The following ANKRD27 variants were observed in gnomAD, a reference collection of about 807,000 sequenced individuals.
ANKRD27 encodes the protein ankyrin repeat domain-containing protein 27.
A neutral mutation model predicts 129.7 loss-of-function variants in ANKRD27; 112 were observed. That is an observed-to-expected ratio of 0.86 (90% confidence interval 0.74 to 1.01). The LOEUF (loss-of-function observed/expected upper bound fraction) is 1.01, where lower values mean the gene tolerates loss of function less well. ANKRD27 is among the 50% of genes least tolerant of loss of function. The probability of loss-of-function intolerance (pLI) is 0.00; values close to 1 mark genes in which losing one functional copy is unlikely to be tolerated. For missense variants in ANKRD27, 1,258 were observed against 1,300.5 expected, an observed-to-expected ratio of 0.97 and a Z score of 0.50; for synonymous variants, 516 against 511.2, an observed-to-expected ratio of 1.01 and a Z score of -0.13.
At chr19:32,671,854 GA>G (rs1300688451) in intron 1 of ANKRD27, among the ~76,000 whole-genome samples, 1 of 152,202 alleles carries the variant, frequency 6.6e-6, no homozygotes, top group Non-Finnish European at 1.5e-5. Flanking sequence ...AAAATGTACA[GA>G]AAATCCAGTT....
intron 22 of ANKRD27, among the ~76,000 whole-genome samples, 193 bp from the exon 23 acceptor site, chr19:32,608,025 G>C (rs564669958): frequency 1.1e-3 from 157 of 149,332 alleles, no homozygotes; most frequent in South Asian, 2.3e-3. Flanking sequence ...TTTTGAGACA[G>C]GGTCTCACTC....
chr19:32,634,431 C>A (rs1200828612), intron 12 of ANKRD27, among the ~76,000 whole-genome samples: 1 of 152,214 alleles, frequency 6.6e-6, no homozygotes, highest in African/African-American at 2.4e-5. Flanking sequence ...GCATACCTGT[C>A]TCAAGGTTTC....
At chr19:32,624,897 C>T (rs1432549426) in intron 17 of ANKRD27, among the ~76,000 whole-genome samples, 2 of 151,880 alleles carry the variant, frequency 1.3e-5, no homozygotes, top group Non-Finnish European at 2.9e-5. Flanking sequence ...CATGCCACTG[C>T]ACTCCAGCCT....
At position 32,646,687 on chromosome 19, in the gene ANKRD27, T is replaced by G. The variant is rs932748724; in HGVS notation, c.214-72A>C. ...ATCCCACTCTCAGCCTGGCCCCCGA[T>G]GCAGCACTTAACCAGACCCTACGGC... On this transcript the variant is annotated intron_variant, in intron 3 of 28. Transcript: ENST00000306065. 51 of 1,532,276 alleles carry G rather than the reference T, an allele frequency of 3.3e-5. No individual in the cohort carries two copies. The Middle Eastern group carries it at 6.9e-4, about 21-fold the overall frequency. 94.9% of individuals were successfully genotyped at this position (1,532,276 alleles called of 1,614,324 possible). A position where few individuals can be genotyped will look rare whatever the true frequency, so the allele number is the denominator to read the frequency against.
At chr19:32,662,130 T>C (rs1031654481) in intron 1 of ANKRD27, among the ~76,000 whole-genome samples, 5 of 151,490 alleles carry the variant, frequency 3.3e-5, no homozygotes, top group Admixed American at 1.3e-4. Context: ...CTGACCAATA[T>C]GGCAAAACCC....
Position 32,639,774 on chromosome 19 carries a change from C to T in ANKRD27, c.984-286G>A, listed in dbSNP as rs145148188. Among the ~76,000 whole-genome samples, 576 of 152,276 alleles carry T rather than the reference C, an allele frequency of 3.8e-3. 14 individuals carry two copies. The South Asian group carries it at 0.063, about 17-fold the overall frequency. ...TTTTGGGGCCAGAAAGAATGGCAAT[C>T]AGCTTTCTGCTCAACCACTGTCTAG... On this transcript the variant is annotated intron_variant, in intron 11 of 28. Transcript: ENST00000306065.
chr19:32,663,363 T>C (rs1185960929), intron 1 of ANKRD27, among the ~76,000 whole-genome samples: 3 of 152,206 alleles, frequency 2.0e-5, no homozygotes, highest in Admixed American at 2.0e-4. Context: ...GTCACTACAT[T>C]TTGGGTGGGT....
At chr19:32,598,499 A>C in intron 28 of ANKRD27, 121 bp from the exon 29 acceptor site, 1 of 831,222 alleles carries the variant, frequency 1.2e-6, no homozygotes, top group Non-Finnish European at 2.0e-6. Flanking sequence ...CTTGACAGGC[A>C]TAATTTCAAT....
At chr19:32,600,262 G>A in intron 26 of ANKRD27, 1 of 430,674 alleles carries the variant, frequency 2.3e-6, no homozygotes, top group East Asian at 3.9e-5. Context: ...GCCACAGGCT[G>A]GGTGCAGTGG....
chr19:32,649,674 A>T lies in ANKRD27; in HGVS notation c.213+8T>A. The T allele has an allele frequency of 6.3e-7, 1 of 1,593,820 alleles. No individual in the cohort carries two copies. The highest frequency in any genetic ancestry group is 2.2e-5 in the East Asian group (1 of 44,776). On this transcript the variant is annotated splice_region_variant and intron_variant, in intron 3 of 28. Transcript: ENST00000306065. ...GTGACCCTGGCTGATCCACCAAGAA[A>T]TGAATACCTTTCCATTTAAGGTCTG...
chr19:32,625,307 T>G (rs538882490), intron 17 of ANKRD27, among the ~76,000 whole-genome samples: 5 of 152,072 alleles, frequency 3.3e-5, no homozygotes, highest in Non-Finnish European at 5.9e-5. Context: ...AAATTGAATA[T>G]GTACACAAGT....
intron 1 of ANKRD27, among the ~76,000 whole-genome samples, chr19:32,674,252 G>A (rs1967933756): frequency 6.6e-6 from 1 of 152,102 alleles, no homozygotes; most frequent in Admixed American, 6.6e-5. Context: ...CAAAATAGGG[G>A]CCTCTATCCA....
rs1289509946 is a variant in ANKRD27 at position 32,607,679 on chromosome 19, G to T, written c.2329C>A (p.Gln777Lys). The T allele has an allele frequency of 1.2e-6, 2 of 1,612,380 alleles. No individual in the cohort carries two copies. The highest frequency in any genetic ancestry group is 1.7e-6 in the Non-Finnish European group (2 of 1,179,690). ...CAGGCCAGGTGGAGCGGGACGGCTT[G>T]GTCTGCGTTCCTGGCACCTGCGTTG... ...GANAGARNADQAVPLHLACQQ... is the reference protein window; with the variant it reads ...GANAGARNADKAVPLHLACQQ... The change falls in exon 23 of 29, where the codon CAA (glutamine) becomes AAA (lysine). Residue 777 changes from glutamine to lysine, a missense_variant. Gln to Lys is a moderately conservative substitution (Grantham distance 53). Coordinates refer to ENST00000306065, the MANE Select transcript of ANKRD27 (RefSeq NM_032139.3).
chr19:32,598,559 G>A (rs1035670791), intron 28 of ANKRD27, among the ~76,000 whole-genome samples, 181 bp from the exon 29 acceptor site: 5 of 152,186 alleles, frequency 3.3e-5, no homozygotes, highest in African/African-American at 4.8e-5. Context: ...ACATGTGTCA[G>A]AGTAAATGTT....
chr19:32,646,453 G>A lies in ANKRD27; in HGVS notation c.370+6C>T, dbSNP rs754654217. 1.3e-6 allele frequency: 2 copies of A among 1,589,330 alleles called. No individual in the cohort carries two copies. The highest frequency in any genetic ancestry group is 8.5e-7 in the Non-Finnish European group (1 of 1,170,848). On this transcript the variant is annotated splice_donor_region_variant and intron_variant, in intron 4 of 28. Transcript: ENST00000306065. ...CAGGAGAAAAAGGTTTTTTCTCCCAGAATACCTGAACTCTCTCTCTTTTCC... is the reference window on the plus strand; with the variant it reads ...CAGGAGAAAAAGGTTTTTTCTCCCAAAATACCTGAACTCTCTCTCTTTTCC...
chr19:32,598,171 G>T lies in ANKRD27; in HGVS notation c.3127C>A (p.Gln1043Lys). ...TAGGACCGGGAAGCACTAACCTCTT[G>T]GGGAGTGGAGAGGGGGCCAGCAGCC... is the stretch of plus-strand genomic sequence containing the variant. ...PEAAGPLSTPQEVSASRS is the reference protein window; with the variant it reads ...PEAAGPLSTPKEVSASRS Residue 1043 changes from glutamine (Q) to lysine (K), a missense_variant, in exon 29 of 29, where the codon CAA (glutamine) becomes AAA (lysine). Coordinates refer to ENST00000306065, the MANE Select transcript of ANKRD27 (RefSeq NM_032139.3). 1.2e-6 allele frequency: 2 copies of T among 1,614,106 alleles called. No individual in the cohort carries two copies. Among genetic ancestry groups the T allele is most frequent in the South Asian group, 2.2e-5 (2 of 91,086 alleles).
At chr19:32,643,221 C>A in intron 8 of ANKRD27, 22 bp from the exon 9 acceptor site, 1 of 1,614,028 alleles carries the variant, frequency 6.2e-7, no homozygotes. Flanking sequence ...TTTTAACGAA[C>A]CTTCAAATTT....
In ANKRD27 at chr19:32,613,404, A is replaced by C. The variant is rs543019527; in HGVS notation, c.2175+2254T>G. Among the ~76,000 whole-genome samples, 113 of 152,346 alleles carry C rather than the reference A, an allele frequency of 7.4e-4. 1 individual carries two copies. The highest frequency in any genetic ancestry group is 2.5e-3 in the African/African-American group (102 of 41,590). ...AAATGAACCATGGAATTGCCATGCA[A>C]TGACCATATGACTCCACAATTGCAC... On this transcript the variant is annotated intron_variant, in intron 22 of 28. Transcript: ENST00000306065.
chr19:32,666,563 CT>C (rs1967759196), intron 1 of ANKRD27: 1 of 152,082 alleles, frequency 6.6e-6, no homozygotes, highest in Admixed American at 6.6e-5. Flanking sequence ...CTCATCACCC[CT>C]GGTCTGCTCC....
Sources: gnomAD v4.1 joint callset for allele counts (sites outside exome capture counted in the v4.1 genomes callset) on GRCh38, gnomAD v4.1.1 for gene constraint, MANE v1.5 for transcripts, NCBI Gene and HGNC (gene_info 2026-07-23, HGNC 2026-07-21) for gene names.